The following CORO1C variants were observed in gnomAD, a reference collection of about 807,000 sequenced individuals.
The protein encoded by CORO1C is coronin-1C.
CORO1C carries 14 observed loss-of-function variants against 51.2 expected under a neutral mutation model. The ratio of observed to expected loss-of-function variants is 0.27; its 90% CI spans 0.18 to 0.43. The LOEUF is 0.43. CORO1C is among the 20% of genes least tolerant of loss of function. The pLI is 1.00. For synonymous variants in CORO1C, 181 were observed against 210.5 expected (o/e 0.86, Z 1.21); for missense variants, 417 against 607.8 (o/e 0.69, Z 3.30).
chr12:108,662,741 T>C (rs903075308), intron 3 of CORO1C, among the ~76,000 whole-genome samples: 12 of 152,200 alleles, frequency 7.9e-5, no homozygotes, highest in African/African-American at 2.9e-4. Context: ...ATATTTTCTA[T>C]AATTTTACAC....
At chr12:108,666,706 G>A (rs952323931) in intron 3 of CORO1C, among the ~76,000 whole-genome samples, 1 of 152,152 alleles carries the variant, frequency 6.6e-6, no homozygotes. Flanking sequence ...TGTCAGAGCT[G>A]GGACACTAAT....
At chr12:108,657,926 C>T (rs1027681140) in intron 5 of CORO1C, among the ~76,000 whole-genome samples, 2 of 152,154 alleles carry the variant, frequency 1.3e-5, no homozygotes, top group African/African-American at 4.8e-5. Flanking sequence ...CTGGGCAAGT[C>T]CCCAGGGCTC....
At chr12:108,705,614 C>T (rs796778508) in intron 1 of CORO1C, among the ~76,000 whole-genome samples, 8 of 152,184 alleles carry the variant, frequency 5.3e-5, no homozygotes, top group African/African-American at 1.9e-4. Flanking sequence ...CACTTTCAAA[C>T]TAATTGTATG....
At chr12:108,711,847 T>A (rs1443930934) in intron 1 of CORO1C, among the ~76,000 whole-genome samples, 1 of 152,134 alleles carries the variant, frequency 6.6e-6, no homozygotes, top group Non-Finnish European at 1.5e-5. Flanking sequence ...TTCCATCTCA[T>A]AAAAAATGAC....
chr12:108,725,293 A>T (rs1219691969), intron 1 of CORO1C, among the ~76,000 whole-genome samples: 5 of 152,202 alleles, frequency 3.3e-5, no homozygotes, highest in Non-Finnish European at 7.3e-5. Context: ...GTCAGATGTA[A>T]AATGTATTAA....
chr12:108,730,848 A>C (rs1326431938), intron 1 of CORO1C: 2 of 143,496 alleles, frequency 1.4e-5, no homozygotes, highest in Non-Finnish European at 3.0e-5. Context: ...TCTCGCACCC[A>C]AAGCCAGGAA....
intron 3 of CORO1C, among the ~76,000 whole-genome samples, chr12:108,666,272 C>T (rs1375284558): frequency 6.6e-6 from 1 of 152,144 alleles, no homozygotes; most frequent in African/African-American, 2.4e-5. Flanking sequence ...GGAAAAAGCA[C>T]CAGAGTGAAA....
At chr12:108,720,270 CA>C (rs2035445386) in intron 1 of CORO1C, among the ~76,000 whole-genome samples, 1 of 152,086 alleles carries the variant, frequency 6.6e-6, no homozygotes, top group African/African-American at 2.4e-5. Context: ...CCCATGCTGC[CA>C]ATAGTTTTAA....
intron 1 of CORO1C, among the ~76,000 whole-genome samples, chr12:108,728,123 T>C (rs1037432695): frequency 2.2e-4 from 33 of 152,320 alleles, no homozygotes; most frequent in African/African-American, 7.7e-4. Context: ...ATGGTGCAGC[T>C]GCTTTGGAGA....
chr12:108,724,725 T>C (rs147739062), intron 1 of CORO1C, among the ~76,000 whole-genome samples: 3 of 152,222 alleles, frequency 2.0e-5, no homozygotes, highest in East Asian at 1.9e-4. Flanking sequence ...ATGTAGATCA[T>C]TGCCTGACCA....
intron 4 of CORO1C, 103 bp from the exon 5 acceptor site, chr12:108,659,022 G>C: frequency 9.6e-7 from 1 of 1,036,638 alleles, no homozygotes; most frequent in African/African-American, 1.6e-5. Flanking sequence ...TATATGCAGA[G>C]AGAGAGAGAG....
chr12:108,652,701 T>C (rs553951442), intron 7 of CORO1C, among the ~76,000 whole-genome samples: 5 of 152,332 alleles, frequency 3.3e-5, no homozygotes, highest in East Asian at 3.9e-4. Context: ...AGGCCAGGGT[T>C]AGGGCAAAAA....
intron 10 of CORO1C, among the ~76,000 whole-genome samples, chr12:108,648,304 A>G (rs558324354): frequency 1.3e-5 from 2 of 152,290 alleles, no homozygotes; most frequent in African/African-American, 4.8e-5. Flanking sequence ...GGAAAAACCC[A>G]AGAGGCTCCT....
At chr12:108,695,647 A>G (rs2034649336) in intron 2 of CORO1C, among the ~76,000 whole-genome samples, 1 of 152,146 alleles carries the variant, frequency 6.6e-6, no homozygotes, top group Admixed American at 6.5e-5. Flanking sequence ...AAGACCACCA[A>G]GTATCATCAT....
intron 3 of CORO1C, among the ~76,000 whole-genome samples, chr12:108,674,392 C>T (rs1040662201): frequency 2.0e-5 from 3 of 151,756 alleles, no homozygotes; most frequent in Non-Finnish European, 4.4e-5. Flanking sequence ...ATTAAAAATA[C>T]AAAAAATTAG....
chr12:108,679,383 C>T (rs1278858585), intron 2 of CORO1C, among the ~76,000 whole-genome samples: 1 of 152,102 alleles, frequency 6.6e-6, no homozygotes, highest in East Asian at 1.9e-4. Context: ...CCACAATTTG[C>T]TCATGTCACA....
chr12:108,696,982 A>G (rs539274164), intron 2 of CORO1C, among the ~76,000 whole-genome samples: 2 of 152,350 alleles, frequency 1.3e-5, no homozygotes, highest in African/African-American at 4.8e-5. Flanking sequence ...TGCTTGCTGC[A>G]TATGTGTGTG....
intron 2 of CORO1C, among the ~76,000 whole-genome samples, chr12:108,680,014 T>G (rs1592893419): frequency 6.6e-6 from 1 of 152,240 alleles, no homozygotes; most frequent in African/African-American, 2.4e-5. Context: ...AGCTGTCACA[T>G]TATTAGTTCT....
At chr12:108,722,125 T>C (rs2035487937) in intron 1 of CORO1C, among the ~76,000 whole-genome samples, 1 of 152,162 alleles carries the variant, frequency 6.6e-6, no homozygotes, top group African/African-American at 2.4e-5. Flanking sequence ...AATGCAAACA[T>C]TTCAAAGAGA....
Sources: gnomAD v4.1 joint callset for allele counts (sites outside exome capture counted in the v4.1 genomes callset) on GRCh38, gnomAD v4.1.1 for gene constraint, MANE v1.5 for transcripts, NCBI Gene and HGNC (gene_info 2026-07-23, HGNC 2026-07-21) for gene names.